Variants in SCAMP5 observed in about 807,000 individuals in gnomAD.
SCAMP5 encodes the protein secretory carrier-associated membrane protein 5.
In SCAMP5, 7 loss-of-function variants were observed where a neutral mutation model predicts 28.3. That is an observed-to-expected ratio of 0.25 (90% CI 0.14 to 0.46). The LOEUF (loss-of-function observed/expected upper bound fraction) is 0.46, where lower values mean the gene tolerates loss of function less well. Ranked by LOEUF, SCAMP5 falls within the 20% of genes least tolerant of loss-of-function variation. The pLI, the probability that SCAMP5 is intolerant of heterozygous loss-of-function variation, is 0.99. For synonymous variants in SCAMP5, 117 were observed against 116.4 expected, an observed-to-expected ratio of 1.00 and a Z score of -0.03; for missense variants, 192 against 312.5, an observed-to-expected ratio of 0.61 and a Z score of 2.91.
chr15:75,014,610 A>G (rs866386598), intron 3 of SCAMP5, among the ~76,000 whole-genome samples: 1 of 152,280 alleles, frequency 6.6e-6, no homozygotes, highest in Middle Eastern at 3.4e-3. Context: ...AATTATGTTC[A>G]TCTAGGGTGA....
At chr15:75,003,571 A>C (rs1403774371) in intron 1 of SCAMP5, among the ~76,000 whole-genome samples, 1 of 152,188 alleles carries the variant, frequency 6.6e-6, no homozygotes. Flanking sequence ...GCACGTTGGG[A>C]AGCCAGGGCG....
chr15:75,003,590 G>A (rs1269783563), intron 1 of SCAMP5, among the ~76,000 whole-genome samples: 3 of 152,064 alleles, frequency 2.0e-5, no homozygotes, highest in African/African-American at 7.2e-5. Context: ...CGGGTAGATC[G>A]CTTGAGCCCA....
At chr15:75,015,555 T>A (rs1257978266) in intron 3 of SCAMP5, among the ~76,000 whole-genome samples, 1 of 151,942 alleles carries the variant, frequency 6.6e-6, no homozygotes, top group Non-Finnish European at 1.5e-5. Flanking sequence ...CTGTAGAAGG[T>A]CAGAGGGATG....
chr15:74,999,589 A>G (rs1325970974), intron 1 of SCAMP5, among the ~76,000 whole-genome samples: 1 of 151,842 alleles, frequency 6.6e-6, no homozygotes, highest in Non-Finnish European at 1.5e-5. Flanking sequence ...GCGAGACTCC[A>G]TCTCAAAACA....
intron 1 of SCAMP5, among the ~76,000 whole-genome samples, chr15:75,001,869 C>CAAAAAAAAAAAA (rs769760180): frequency 1.2e-4 from 5 of 40,458 alleles, no homozygotes; most frequent in African/African-American, 5.0e-4. Flanking sequence ...GACTCGGTCT[C>CAAAAAAAAAAAA]AAAAAAAAAA....
At chr15:74,999,454 C>T (rs2065681955) in intron 1 of SCAMP5, among the ~76,000 whole-genome samples, 1 of 152,084 alleles carries the variant, frequency 6.6e-6, no homozygotes, top group African/African-American at 2.4e-5. Context: ...TCTCCCCAGG[C>T]CCTTTGCTCA....
chr15:75,017,264 G>A (rs1279585892), intron 4 of SCAMP5, among the ~76,000 whole-genome samples: 1 of 152,160 alleles, frequency 6.6e-6, no homozygotes, highest in Admixed American at 6.5e-5. Context: ...CTTGGTGCCA[G>A]TGGGTGTCTA....
intron 1 of SCAMP5, among the ~76,000 whole-genome samples, chr15:75,010,733 G>T (rs1305999103): frequency 6.6e-6 from 1 of 152,086 alleles, no homozygotes; most frequent in East Asian, 1.9e-4. Flanking sequence ...TTGAGCCCAG[G>T]AGTGCCACTT....
Position 75,018,333 on chromosome 15 carries a change from G to T in SCAMP5, c.396-85G>T. ...TCCAGTGATATGTTTCCTCCCTGTG[G>T]CAATGAGACGGTCCCTTCCTCTAGC... On this transcript the variant is annotated intron_variant, in intron 5 of 6. Coordinates refer to ENST00000425597, the MANE Select transcript of SCAMP5 (RefSeq NM_138967.4). This position sits in a 1 kb window ranked among gnomAD's most constrained non-coding sequence, Gnocchi z 5.6. 1.2e-6 allele frequency: 1 copy of T among 829,806 alleles called. No individual in the cohort carries two copies. 51.4% of individuals were successfully genotyped at this position (829,806 alleles called of 1,614,324 possible).
intron 1 of SCAMP5, among the ~76,000 whole-genome samples, chr15:75,003,146 C>A (rs2065725213): frequency 6.6e-6 from 1 of 152,212 alleles, no homozygotes; most frequent in Non-Finnish European, 1.5e-5. Context: ...TGGTCTCGAA[C>A]TCCTGACCTC....
intron 1 of SCAMP5, among the ~76,000 whole-genome samples, chr15:74,999,537 T>C (rs2065682946): frequency 6.6e-6 from 1 of 152,076 alleles, no homozygotes; most frequent in South Asian, 2.1e-4. Context: ...GAGCTTGCAG[T>C]GAGCCGAGAT....
chr15:75,004,167 G>T (rs990725448), intron 1 of SCAMP5, among the ~76,000 whole-genome samples: 4 of 152,012 alleles, frequency 2.6e-5, no homozygotes, highest in Non-Finnish European at 5.9e-5. Flanking sequence ...GTCTCCCAAA[G>T]TGCTGGTATT....
chr15:75,019,012 T>G lies in SCAMP5; in HGVS notation c.*29T>G. The G allele has an allele frequency of 6.9e-7, 1 of 1,443,994 alleles. No homozygotes were observed. The highest frequency in any genetic ancestry group is 9.2e-7 in the Non-Finnish European group (1 of 1,085,588). 89.4% of individuals were successfully genotyped at this position (1,443,994 alleles called of 1,614,324 possible). Reference sequence around the variant, plus strand: ...AGCCACGCCTACCAGGTGGCAGAGCTGGGGCCATTGGGACAGGGGGCTCAA... The same window carrying G: ...AGCCACGCCTACCAGGTGGCAGAGCGGGGGCCATTGGGACAGGGGGCTCAA... On this transcript the variant is annotated 3_prime_UTR_variant, in exon 7 of 7. Transcript: ENST00000425597.
chr15:75,003,532 G>T (rs1244887944), intron 1 of SCAMP5, among the ~76,000 whole-genome samples: 1 of 152,118 alleles, frequency 6.6e-6, no homozygotes, highest in Admixed American at 6.6e-5. Flanking sequence ...CAATGGGCTG[G>T]GCACAGTGAC....
chr15:74,998,279 A>T (rs1386772093), intron 1 of SCAMP5, among the ~76,000 whole-genome samples: 1 of 152,216 alleles, frequency 6.6e-6, no homozygotes, highest in East Asian at 1.9e-4. Context: ...TTATCAGTTG[A>T]GCAGATTGCT....
intron 2 of SCAMP5, among the ~76,000 whole-genome samples, chr15:75,012,459 G>A (rs1194346270): frequency 6.6e-6 from 1 of 152,224 alleles, no homozygotes; most frequent in African/African-American, 2.4e-5. Flanking sequence ...CTGTCAAGGT[G>A]ACATTGTTTT....
intron 3 of SCAMP5, 185 bp downstream of exon 3, chr15:75,012,990 G>A (rs556520937): frequency 1.4e-4 from 83 of 606,668 alleles, no homozygotes; most frequent in Non-Finnish European, 1.8e-4. Context: ...CCACCTCCCC[G>A]ACTGGGCCTC....
intron 1 of SCAMP5, among the ~76,000 whole-genome samples, chr15:75,005,252 C>T (rs1453449566): frequency 6.6e-6 from 1 of 151,672 alleles, no homozygotes; most frequent in Admixed American, 6.6e-5. Flanking sequence ...CACCTGAGGT[C>T]GGGAGTTTGA....
At chr15:75,014,640 C>T (rs2065843321) in intron 3 of SCAMP5, among the ~76,000 whole-genome samples, 1 of 151,916 alleles carries the variant, frequency 6.6e-6, no homozygotes, top group Non-Finnish European at 1.5e-5. Context: ...GAAGGCAGGG[C>T]AGGGGAGGGA....
Sources: allele counts gnomAD v4.1 joint callset (sites outside exome capture counted in the v4.1 genomes callset), GRCh38; gene constraint gnomAD v4.1.1; non-coding constraint Gnocchi (gnomAD v3.1); transcripts MANE v1.5; gene names NCBI Gene and HGNC (gene_info 2026-07-23, HGNC 2026-07-21).